NLGN1: variants seen among roughly 807,000 people sequenced by gnomAD.
NLGN1 encodes the protein neuroligin 1.
NLGN1 carries 12 observed loss-of-function variants against 65.5 expected under a neutral mutation model. That is an observed-to-expected ratio of 0.18 (90% CI 0.12 to 0.30). NLGN1 has a LOEUF of 0.30. NLGN1 is among the 10% of genes least tolerant of loss of function. The pLI is 1.00. For synonymous variants in NLGN1, 350 were observed against 359.5 expected, an observed-to-expected ratio of 0.97 and a Z score of 0.30; for missense variants, 750 against 1,007.1, an observed-to-expected ratio of 0.74 and a Z score of 3.46.
chr3:174,167,827 C>T (rs1727808494), intron 4 of NLGN1, among the ~76,000 whole-genome samples: 1 of 151,828 alleles, frequency 6.6e-6, no homozygotes, highest in Non-Finnish European at 1.5e-5. Context: ...CTTTCTCTCT[C>T]AGAAATGCCA....
At chr3:173,663,743 A>G (rs866847288) in intron 3 of NLGN1, among the ~76,000 whole-genome samples, 3 of 152,026 alleles carry the variant, frequency 2.0e-5, no homozygotes, top group Admixed American at 6.6e-5. Context: ...CTGCACTAGT[A>G]TGTCCAGTAA....
intron 4 of NLGN1, among the ~76,000 whole-genome samples, chr3:173,900,344 T>C (rs1391133983): frequency 1.3e-5 from 2 of 152,046 alleles, no homozygotes; most frequent in African/African-American, 4.8e-5. Context: ...GTGCATCTGT[T>C]ACAGTAGAGA....
intron 1 of NLGN1, among the ~76,000 whole-genome samples, chr3:173,403,495 ACTT>A (rs1166096608): frequency 1.3e-5 from 2 of 152,084 alleles, no homozygotes; most frequent in Non-Finnish European, 2.9e-5. Flanking sequence ...AATAAAAATT[ACTT>A]CTTTGTTTCT....
chr3:173,491,424 C>T (rs1480690818), intron 2 of NLGN1, among the ~76,000 whole-genome samples: 2 of 151,754 alleles, frequency 1.3e-5, no homozygotes, highest in Non-Finnish European at 2.9e-5. Context: ...TTGAACCAGC[C>T]TTGCATCTGA....
chr3:173,938,551 G>A lies in NLGN1; in HGVS notation c.646+130719G>A, dbSNP rs75256303. On this transcript the variant is annotated intron_variant, in intron 4 of 6. Coordinates refer to ENST00000457714, the Ensembl canonical transcript of NLGN1. ...TTGCTACTGCAGTGTGACTTAGCCC[G>A]TGTTGACATATACTGCTATCACATA... Among the ~76,000 whole-genome samples the A allele has an allele frequency of 6.6e-3, 1,007 of 152,234 alleles. 9 individuals carry two copies. The highest frequency in any genetic ancestry group is 0.023 in the African/African-American group (946 of 41,546).
intron 4 of NLGN1, among the ~76,000 whole-genome samples, chr3:174,031,887 T>C (rs1730110539): frequency 6.6e-6 from 1 of 151,944 alleles, no homozygotes; most frequent in African/African-American, 2.4e-5. Context: ...TGTGTAATTT[T>C]AGAAGACTAG....
intron 4 of NLGN1, among the ~76,000 whole-genome samples, chr3:173,873,176 C>T (rs1375500874): frequency 1.3e-5 from 2 of 151,886 alleles, no homozygotes; most frequent in African/African-American, 4.8e-5. Flanking sequence ...GCAACCTCTG[C>T]CTCCCAGATT....
chr3:174,159,770 T>C (rs1430877874), intron 4 of NLGN1, among the ~76,000 whole-genome samples: 1 of 151,756 alleles, frequency 6.6e-6, no homozygotes, highest in African/African-American at 2.4e-5. Context: ...CTGCTATCCC[T>C]AACCTTTGAA....
At chr3:174,002,736 G>C (rs1265789371) in intron 4 of NLGN1, among the ~76,000 whole-genome samples, 1 of 152,010 alleles carries the variant, frequency 6.6e-6, no homozygotes, top group African/African-American at 2.4e-5. Flanking sequence ...TCATTCTATA[G>C]CACCCCCTGG....
chr3:174,053,083 C>T (rs1735275681), intron 4 of NLGN1, among the ~76,000 whole-genome samples: 2 of 151,862 alleles, frequency 1.3e-5, no homozygotes, highest in Admixed American at 1.3e-4. Flanking sequence ...ATCATATTGT[C>T]AGAGCAATAT....
At chr3:173,809,151 G>A (rs1014962837) in intron 4 of NLGN1, among the ~76,000 whole-genome samples, 2 of 152,116 alleles carry the variant, frequency 1.3e-5, no homozygotes, top group Non-Finnish European at 2.9e-5. Flanking sequence ...ATACACATGA[G>A]TTCCTCCATA....
intron 3 of NLGN1, among the ~76,000 whole-genome samples, chr3:173,804,515 CATT>C (rs2150427907): frequency 6.6e-6 from 1 of 152,030 alleles, no homozygotes; most frequent in East Asian, 1.9e-4. Flanking sequence ...CCCCCTTCAA[CATT>C]ATTATTAAAA....
intron 2 of NLGN1, among the ~76,000 whole-genome samples, chr3:173,442,968 A>T (rs1719473063): frequency 6.6e-6 from 1 of 152,160 alleles, no homozygotes; most frequent in Admixed American, 6.6e-5. Flanking sequence ...CAGTTTACGG[A>T]AATGACAGAG....
Position 174,136,291 on chromosome 3 carries a change from A to G in NLGN1, c.647-139024A>G, listed in dbSNP as rs1424995736. On this transcript the variant is annotated intron_variant, in intron 4 of 6. Coordinates refer to ENST00000457714, the Ensembl canonical transcript of NLGN1. ...ATACTATTGGGTGTTTGTTACCCCC[A>G]CTTTCAGATACTGTAGGAAATAACT... is the stretch of plus-strand genomic sequence containing the variant. The G allele has an allele frequency of 2.6e-5, 4 of 152,184 alleles. No individual in the cohort carries two copies. In the South Asian group the frequency reaches 6.2e-4, roughly 24 times the overall value. The allele number at this position is 152,184 out of a possible 1,614,324, so 9.4% of individuals were successfully genotyped here. A position where few individuals can be genotyped will look rare whatever the true frequency, so the allele number is the denominator to read the frequency against.
At chr3:173,493,808 A>G (rs1264834902) in intron 2 of NLGN1, among the ~76,000 whole-genome samples, 1 of 151,614 alleles carries the variant, frequency 6.6e-6, no homozygotes, top group African/African-American at 2.4e-5. Flanking sequence ...AAGATTTGAC[A>G]TGTGTAAATG....
intron 4 of NLGN1, among the ~76,000 whole-genome samples, chr3:174,147,665 A>G (rs1197955677): frequency 6.6e-6 from 1 of 151,758 alleles, no homozygotes; most frequent in Non-Finnish European, 1.5e-5. Context: ...AATTTTTGAA[A>G]ATTAAAAACC....
At chr3:173,460,707 C>T (rs1723237054) in intron 2 of NLGN1, among the ~76,000 whole-genome samples, 1 of 151,858 alleles carries the variant, frequency 6.6e-6, no homozygotes, top group African/African-American at 2.4e-5. Context: ...TTTTCTTGGC[C>T]CAGAAAGAAG....
At chr3:173,624,524 G>T (rs1256943020) in intron 3 of NLGN1, among the ~76,000 whole-genome samples, 4 of 152,020 alleles carry the variant, frequency 2.6e-5, no homozygotes, top group Non-Finnish European at 5.9e-5. Flanking sequence ...ATGAATTAAG[G>T]ATACATTAAG....
At chr3:174,017,614 A>C (rs1156708025) in intron 4 of NLGN1, among the ~76,000 whole-genome samples, 2 of 152,154 alleles carry the variant, frequency 1.3e-5, no homozygotes. Context: ...AAAGACTACA[A>C]AAGAGAGAAA....
Sources: allele counts gnomAD v4.1 joint callset (sites outside exome capture counted in the v4.1 genomes callset), GRCh38; gene constraint gnomAD v4.1.1; transcripts MANE v1.5; gene names NCBI Gene and HGNC (gene_info 2026-07-23, HGNC 2026-07-21).